Variants in TACC2 observed in about 807,000 individuals in gnomAD.
TACC2 encodes transforming acidic coiled-coil containing protein 2, also known as transforming acidic coiled-coil-containing protein 2.
TACC2 carries 137 observed loss-of-function variants against 227.3 expected under a neutral mutation model. That is an observed-to-expected ratio of 0.60 (90% CI 0.52 to 0.69). The LOEUF is 0.69. Ranked by LOEUF, TACC2 falls within the 30% of genes least tolerant of loss-of-function variation. The pLI is 0.00. For missense variants in TACC2, 3,470 were observed against 3,694.4 expected (o/e 0.94, Z 1.57); for synonymous variants, 1,523 against 1,487.5 (o/e 1.02, Z -0.55).
At chr10:122,080,169 C>A (rs2079284439) in intron 3 of TACC2, among the ~76,000 whole-genome samples, 2 of 151,284 alleles carry the variant, frequency 1.3e-5, no homozygotes, top group Non-Finnish European at 2.9e-5. Flanking sequence ...TCTCACATAG[C>A]TTTTCCTTTG....
intron 5 of TACC2, among the ~76,000 whole-genome samples, chr10:122,121,942 T>C (rs4752650): frequency 0.95 from 145,373 of 152,270 alleles, 69,628 homozygotes; most frequent in East Asian, 1. Context: ...AGGAAAGACC[T>C]GGCGGGGAGG....
At chr10:122,183,217 A>C (rs1593038505) in intron 7 of TACC2, among the ~76,000 whole-genome samples, 1 of 151,638 alleles carries the variant, frequency 6.6e-6, no homozygotes, top group South Asian at 2.1e-4. Context: ...AAAAAACAAA[A>C]AAACAAACAA....
intron 6 of TACC2, among the ~76,000 whole-genome samples, chr10:122,134,658 A>G (rs553589757): frequency 2.0e-5 from 3 of 151,876 alleles, no homozygotes; most frequent in African/African-American, 7.2e-5. Context: ...CCTGACCACC[A>G]CCGTTTTAGG....
chr10:122,186,805 C>T (rs1051770726), intron 7 of TACC2, among the ~76,000 whole-genome samples: 4 of 152,196 alleles, frequency 2.6e-5, no homozygotes, highest in Admixed American at 1.3e-4. Context: ...GTGACACCGC[C>T]CCCGGCCAAA....
intron 7 of TACC2, among the ~76,000 whole-genome samples, chr10:122,188,462 T>G (rs1241991604): frequency 6.6e-6 from 1 of 151,502 alleles, no homozygotes; most frequent in East Asian, 1.9e-4. Flanking sequence ...GTATTTTTCT[T>G]TTTTTTTAGT....
At chr10:122,100,901 C>T (rs528463368) in intron 5 of TACC2, among the ~76,000 whole-genome samples, 1 of 152,244 alleles carries the variant, frequency 6.6e-6, no homozygotes, top group African/African-American at 2.4e-5. Flanking sequence ...CTGCCTTGCC[C>T]CTCCCTCTAC....
In TACC2 at chr10:122,113,436, C is replaced by T. The variant is rs139537490; in HGVS notation, c.5574-19173C>T. ...AGTGTGGCTGCGGGGAAACCGCGGG[C>T]CCCAGAGTGTCTGCCCAGGAGCCTG... On this transcript the variant is annotated intron_variant, in intron 5 of 22. Coordinates refer to ENST00000369005, the MANE Select transcript of TACC2 (RefSeq NM_206862.4). Among the ~76,000 whole-genome samples, 642 of 152,348 alleles carry T rather than the reference C, an allele frequency of 4.2e-3. 1 individual carries two copies. The highest frequency in any genetic ancestry group is 0.01 in the Middle Eastern group (3 of 294).
At chr10:121,999,803 A>T (rs1307319176) in intron 1 of TACC2, among the ~76,000 whole-genome samples, 1 of 152,244 alleles carries the variant, frequency 6.6e-6, no homozygotes, top group Non-Finnish European at 1.5e-5. Flanking sequence ...ACGACAGAGG[A>T]AAAACAATGC....
chr10:122,218,493 G>C lies in TACC2; in HGVS notation c.7546+1665G>C, dbSNP rs2095457433. ...GGCATGGTTTGCTTTGTGCCCACGA[G>C]GTCTTGGAATGGTACCAGCATGCAA... On this transcript the variant is annotated intron_variant, in intron 11 of 22. Coordinates refer to ENST00000369005, the MANE Select transcript of TACC2 (RefSeq NM_206862.4). Among the ~76,000 whole-genome samples, 3 of 152,120 alleles carry C rather than the reference G, an allele frequency of 2.0e-5. No homozygotes were observed. In the South Asian group the frequency reaches 6.2e-4, roughly 32 times the overall value.
chr10:122,078,511 T>G (rs2461225), intron 3 of TACC2, among the ~76,000 whole-genome samples: 114,341 of 152,082 alleles, frequency 0.75, 43,602 homozygotes, highest in Non-Finnish European at 0.82. Flanking sequence ...CTGTGCTGTG[T>G]ACATCTGGTC....
intron 5 of TACC2, among the ~76,000 whole-genome samples, chr10:122,119,164 T>C (rs2421005): frequency 0.58 from 88,904 of 152,070 alleles, 28,619 homozygotes; most frequent in Non-Finnish European, 0.71. Context: ...CTGGTAACAC[T>C]ATTAGACTTT....
intron 5 of TACC2, among the ~76,000 whole-genome samples, chr10:122,121,105 C>A (rs939098386): frequency 6.6e-6 from 1 of 152,134 alleles, no homozygotes; most frequent in Non-Finnish European, 1.5e-5. Context: ...TCACATAGAG[C>A]CTGGGGTGCC....
At chr10:122,096,964 G>T (rs2081510475) in intron 5 of TACC2, among the ~76,000 whole-genome samples, 1 of 152,182 alleles carries the variant, frequency 6.6e-6, no homozygotes, top group Non-Finnish European at 1.5e-5. Flanking sequence ...CACTGGAACA[G>T]GTCTAGTTAC....
chr10:122,044,974 C>T (rs1173697321), intron 2 of TACC2, among the ~76,000 whole-genome samples: 1 of 152,032 alleles, frequency 6.6e-6, no homozygotes, highest in Non-Finnish European at 1.5e-5. Context: ...TTTGCAGTGA[C>T]GCCTGCTGAC....
Position 122,134,886 on chromosome 10 carries a change from C to T in TACC2, c.5699+2152C>T, listed in dbSNP as rs571355200. Reference sequence around the variant, plus strand: ...GGTGTAATGGGTGCTTCTGAAGGCCCCTCCCATGCCTGAGACTGCATGTTT... The same window carrying T: ...GGTGTAATGGGTGCTTCTGAAGGCCTCTCCCATGCCTGAGACTGCATGTTT... On this transcript the variant is annotated intron_variant, in intron 6 of 22. Transcript: ENST00000369005. Among the ~76,000 whole-genome samples the T allele has an allele frequency of 1.1e-4, 16 of 152,300 alleles. No individual in the cohort carries two copies. The East Asian group carries it at 2.5e-3, about 24-fold the overall frequency.
intron 5 of TACC2, among the ~76,000 whole-genome samples, chr10:122,097,728 G>T (rs1265512970): frequency 6.6e-6 from 1 of 152,114 alleles, no homozygotes; most frequent in Non-Finnish European, 1.5e-5. Context: ...CAGGTAAATG[G>T]GGCTGACAAT....
intron 2 of TACC2, among the ~76,000 whole-genome samples, chr10:122,027,684 C>A (rs187033115): frequency 6.6e-6 from 1 of 151,954 alleles, no homozygotes; most frequent in Non-Finnish European, 1.5e-5. Flanking sequence ...GCTGTTCTTG[C>A]ACCTATGACG....
chr10:122,235,274 G>A (rs370798171), intron 16 of TACC2, among the ~76,000 whole-genome samples: 17 of 152,284 alleles, frequency 1.1e-4, no homozygotes, highest in African/African-American at 4.1e-4. Flanking sequence ...TTTTAGTAGA[G>A]ACAGGGTTTT....
At chr10:122,039,088 G>T (rs923341298) in intron 2 of TACC2, among the ~76,000 whole-genome samples, 10 of 152,180 alleles carry the variant, frequency 6.6e-5, no homozygotes, top group East Asian at 3.9e-4. Context: ...TGATTCCCCT[G>T]CCTCAGCCTC....
Sources: allele counts gnomAD v4.1 joint callset (sites outside exome capture counted in the v4.1 genomes callset), GRCh38; gene constraint gnomAD v4.1.1; transcripts MANE v1.5; gene names NCBI Gene and HGNC (gene_info 2026-07-23, HGNC 2026-07-21).